Variants in IL1RAPL1 observed in about 807,000 individuals in gnomAD.
IL1RAPL1 encodes interleukin 1 receptor accessory protein like 1.
In IL1RAPL1, 3 loss-of-function variants were observed where a neutral mutation model predicts 48.4. That is an observed-to-expected ratio of 0.06 (90% CI 0.03 to 0.16). IL1RAPL1 has a LOEUF of 0.16. Ranked by LOEUF, IL1RAPL1 falls within the 10% of genes least tolerant of loss-of-function variation. IL1RAPL1 has a pLI of 1.00. For missense variants in IL1RAPL1, 349 were observed against 530.6 expected (o/e 0.66, Z 3.36); for synonymous variants, 185 against 187.7 (o/e 0.99, Z 0.12).
chrX:29,548,113 GT>G (rs1270389003), intron 5 of IL1RAPL1, among the ~76,000 whole-genome samples: 2 of 112,686 alleles, frequency 1.8e-5, no homozygotes. Flanking sequence ...GTTAATTAGT[GT>G]TGCAAGTCTG....
chrX:29,870,422 C>A (rs1181425202), intron 6 of IL1RAPL1, among the ~76,000 whole-genome samples: 1 of 111,225 alleles, frequency 9.0e-6, no homozygotes, highest in African/African-American at 3.3e-5. Context: ...ACATGAGATC[C>A]AGGTGCTGAA....
rs1398278578 is a variant in IL1RAPL1 at position 28,890,990 on chromosome X, A to C, written c.82+101565A>C. On this transcript the variant is annotated intron_variant, in intron 2 of 10. Coordinates refer to ENST00000378993, the MANE Select transcript of IL1RAPL1 (RefSeq NM_014271.4). ...AAGGGTGTGGTATTTGTCTGGATTA[A>C]GTAGTTTTTGGTGGCATGTATGTAT... 2.7e-5 allele frequency among the ~76,000 whole-genome samples: 3 copies of C among 112,450 alleles called. No homozygotes were observed. The East Asian group carries it at 8.3e-4, about 31-fold the overall frequency.
At chrX:29,291,399 CT>C (rs1161038833) in intron 3 of IL1RAPL1, among the ~76,000 whole-genome samples, 2 of 110,200 alleles carry the variant, frequency 1.8e-5, no homozygotes, top group Non-Finnish European at 3.8e-5. Flanking sequence ...AGTAAATATA[CT>C]TTATTTTTTA....
intron 1 of IL1RAPL1, among the ~76,000 whole-genome samples, chrX:28,700,916 G>A (rs1446066310): frequency 8.9e-6 from 1 of 111,819 alleles, no homozygotes; most frequent in African/African-American, 3.3e-5. Context: ...GTTTTCCATG[G>A]TGTATATGTG....
chrX:29,385,977 C>T (rs1933771191), intron 3 of IL1RAPL1, among the ~76,000 whole-genome samples: 1 of 112,118 alleles, frequency 8.9e-6, no homozygotes, highest in Non-Finnish European at 1.9e-5. Context: ...CTAATTTCTC[C>T]ACTCCTTGCC....
chrX:29,858,585 A>G (rs1167726490), intron 6 of IL1RAPL1, among the ~76,000 whole-genome samples: 2 of 110,712 alleles, frequency 1.8e-5, no homozygotes, highest in African/African-American at 3.3e-5. Flanking sequence ...GACTTTTTGT[A>G]TTAGAGCAAC....
At chrX:29,608,358 A>G (rs1923961521) in intron 5 of IL1RAPL1, among the ~76,000 whole-genome samples, 1 of 108,206 alleles carries the variant, frequency 9.2e-6, no homozygotes. Flanking sequence ...TTAGAGATAA[A>G]GTAGGTATTA....
At chrX:29,606,723 G>T (rs985878598) in intron 5 of IL1RAPL1, among the ~76,000 whole-genome samples, 6 of 110,899 alleles carry the variant, frequency 5.4e-5, no homozygotes, top group African/African-American at 2.0e-4. Flanking sequence ...AGCTACCTTT[G>T]GGAGAAGTTA....
At chrX:28,947,941 T>G (rs1316763602) in intron 2 of IL1RAPL1, among the ~76,000 whole-genome samples, 1 of 111,558 alleles carries the variant, frequency 9.0e-6, no homozygotes, top group East Asian at 2.8e-4. Context: ...AAGGACGTTT[T>G]GGCAAGAGGG....
intron 1 of IL1RAPL1, among the ~76,000 whole-genome samples, chrX:28,739,628 T>TCCA (rs1264914677): frequency 9.0e-6 from 1 of 111,713 alleles, no homozygotes; most frequent in Admixed American, 9.5e-5. Context: ...ACAATCTGCC[T>TCCA]CCATGAAATC....
intron 2 of IL1RAPL1, among the ~76,000 whole-genome samples, chrX:28,816,944 G>T (rs183895788): frequency 9.1e-6 from 1 of 110,421 alleles, no homozygotes; most frequent in East Asian, 2.9e-4. Context: ...ATTCTGACTG[G>T]TGTGAGATGG....
chrX:28,815,427 AC>A (rs1336326122), intron 2 of IL1RAPL1, among the ~76,000 whole-genome samples: 1 of 110,532 alleles, frequency 9.0e-6, no homozygotes, highest in African/African-American at 3.3e-5. Context: ...GATATCCATC[AC>A]CTTAAATATT....
intron 3 of IL1RAPL1, among the ~76,000 whole-genome samples, chrX:29,322,426 C>T (rs758362909): frequency 4.4e-4 from 49 of 110,460 alleles, no homozygotes; most frequent in African/African-American, 1.4e-3. Flanking sequence ...ACCACCATGC[C>T]GGCTAATTTT....
intron 2 of IL1RAPL1, among the ~76,000 whole-genome samples, chrX:28,952,572 T>G (rs1490677746): frequency 3.6e-5 from 4 of 110,963 alleles, no homozygotes; most frequent in Non-Finnish European, 7.6e-5. Context: ...TATTTTTATG[T>G]TTTTTTTCCA....
chrX:28,731,448 G>A (rs751733929), intron 1 of IL1RAPL1, among the ~76,000 whole-genome samples: 1 of 111,936 alleles, frequency 8.9e-6, no homozygotes, highest in South Asian at 3.7e-4. Flanking sequence ...AAATCTGGAA[G>A]GACAAAAAAG....
chrX:28,893,126 A>G (rs761755151), intron 2 of IL1RAPL1, among the ~76,000 whole-genome samples: 3 of 111,004 alleles, frequency 2.7e-5, no homozygotes, highest in Non-Finnish European at 5.7e-5. Flanking sequence ...AGGGATGACA[A>G]GTTTTTTGGG....
chrX:29,914,143 G>A (rs1341029187), intron 6 of IL1RAPL1, among the ~76,000 whole-genome samples: 4 of 111,917 alleles, frequency 3.6e-5, no homozygotes, highest in African/African-American at 9.8e-5. Context: ...GCCCCAGGCA[G>A]GGTGGGGTAG....
chrX:29,573,602 C>A (rs1448390975), intron 5 of IL1RAPL1, among the ~76,000 whole-genome samples: 1 of 111,949 alleles, frequency 8.9e-6, no homozygotes, highest in Non-Finnish European at 1.9e-5. Context: ...AAAGATTTAC[C>A]AGTTTTAAAA....
intron 2 of IL1RAPL1, among the ~76,000 whole-genome samples, chrX:28,885,737 A>AT (rs1474545294): frequency 9.0e-6 from 1 of 110,567 alleles, no homozygotes; most frequent in Non-Finnish European, 1.9e-5. Flanking sequence ...TCCCTGTAAG[A>AT]TTTTTTCCCA....
Sources: gnomAD v4.1 joint callset for allele counts (sites outside exome capture counted in the v4.1 genomes callset) on GRCh38, gnomAD v4.1.1 for gene constraint, MANE v1.5 for transcripts, NCBI Gene and HGNC (gene_info 2026-07-23, HGNC 2026-07-21) for gene names.